The following HS3ST5 variants were observed in gnomAD, a reference collection of about 807,000 sequenced individuals.
HS3ST5 encodes the protein heparan sulfate-glucosamine 3-sulfotransferase 5, also known as heparan sulfate glucosamine 3-O-sulfotransferase 5.
In HS3ST5, 10 loss-of-function variants were observed where a neutral mutation model predicts 25.4. The ratio of observed to expected loss-of-function variants is 0.39; its 90% CI spans 0.24 to 0.67. The LOEUF is 0.67. Ranked by LOEUF, HS3ST5 falls within the 30% of genes least tolerant of loss-of-function variation. HS3ST5 has a pLI of 0.44. For synonymous variants in HS3ST5, 170 were observed against 162.4 expected, an observed-to-expected ratio of 1.05 and a Z score of -0.36; for missense variants, 324 against 420.7, an observed-to-expected ratio of 0.77 and a Z score of 2.01.
intron 1 of HS3ST5, among the ~76,000 whole-genome samples, chr6:114,280,107 G>A (rs528051209): frequency 9.9e-4 from 150 of 151,892 alleles, no homozygotes; most frequent in South Asian, 1.7e-3. Flanking sequence ...AAAAAAGTGA[G>A]AGTTTTCCAG....
intron 3 of HS3ST5, among the ~76,000 whole-genome samples, chr6:114,077,457 A>G (rs1774202907): frequency 6.6e-6 from 1 of 152,170 alleles, no homozygotes; most frequent in Non-Finnish European, 1.5e-5. Flanking sequence ...TTGACCTGCT[A>G]GGGAGCTCAG....
At chr6:114,191,632 C>G (rs894229956) in intron 2 of HS3ST5, among the ~76,000 whole-genome samples, 3 of 152,136 alleles carry the variant, frequency 2.0e-5, no homozygotes, top group Non-Finnish European at 4.4e-5. Context: ...GAGGATAATC[C>G]TCAGGCAAAG....
intron 2 of HS3ST5, among the ~76,000 whole-genome samples, chr6:114,169,001 C>T (rs1252504554): frequency 1.3e-5 from 2 of 151,840 alleles, no homozygotes; most frequent in Non-Finnish European, 2.9e-5. Flanking sequence ...CTGCAGAGTA[C>T]ATGTTTGGCT....
intron 3 of HS3ST5, among the ~76,000 whole-genome samples, chr6:114,085,923 A>G (rs912253340): frequency 7.4e-6 from 1 of 134,616 alleles, no homozygotes; most frequent in Non-Finnish European, 1.6e-5. Flanking sequence ...TTAAATTCAT[A>G]TAAATTCATT....
chr6:114,165,388 T>G (rs1290445382), intron 3 of HS3ST5, among the ~76,000 whole-genome samples: 1 of 152,198 alleles, frequency 6.6e-6, no homozygotes, highest in Non-Finnish European at 1.5e-5. Context: ...AGCATGGGCT[T>G]TCTACATCTT....
chr6:114,206,464 T>C (rs921362374), intron 2 of HS3ST5, among the ~76,000 whole-genome samples: 1 of 152,176 alleles, frequency 6.6e-6, no homozygotes, highest in Admixed American at 6.5e-5. Context: ...TCATAAATTA[T>C]AATCATTCAC....
intron 2 of HS3ST5, among the ~76,000 whole-genome samples, chr6:114,214,572 C>T (rs907531011): frequency 6.6e-6 from 1 of 152,200 alleles, no homozygotes; most frequent in Non-Finnish European, 1.5e-5. Context: ...ATGATAGGAG[C>T]TCATAATTAC....
chr6:114,318,394 C>T (rs1775829227), intron 1 of HS3ST5, among the ~76,000 whole-genome samples: 1 of 151,918 alleles, frequency 6.6e-6, no homozygotes, highest in Non-Finnish European at 1.5e-5. Context: ...ATTTTTTTCT[C>T]CTCCTCTCCC....
chr6:114,285,475 G>A (rs1314882310), intron 1 of HS3ST5, among the ~76,000 whole-genome samples: 1 of 152,026 alleles, frequency 6.6e-6, no homozygotes, highest in Non-Finnish European at 1.5e-5. Context: ...TATACGTCCA[G>A]TGAAATACTA....
Position 114,326,582 on chromosome 6 carries a change from GTAATTT to G in HS3ST5, c.-339+15607_-339+15612del, listed in dbSNP as rs1265546358. On this transcript the variant is annotated intron_variant, in intron 1 of 4. Transcript: ENST00000312719. ...TAGTAGAGTTTCCAACTTTATAGAT[GTAATTT>G]TGGAAAGTTTTCTAGTTGAAATATT... Among the ~76,000 whole-genome samples, 4 of 152,266 alleles carry G rather than the reference GTAATTT, an allele frequency of 2.6e-5. No homozygotes were observed. In the East Asian group the frequency reaches 7.7e-4, roughly 29 times the overall value.
intron 3 of HS3ST5, among the ~76,000 whole-genome samples, chr6:114,155,208 T>A (rs1778644000): frequency 6.6e-6 from 1 of 152,252 alleles, no homozygotes. Flanking sequence ...ACAAATTTTG[T>A]TAATGACAAT....
chr6:114,332,497 C>T lies in HS3ST5; in HGVS notation c.-339+9698G>A, dbSNP rs1308907257. Among the ~76,000 whole-genome samples, 7 of 152,020 alleles carry T rather than the reference C, an allele frequency of 4.6e-5. No homozygotes were observed. The East Asian group carries it at 7.7e-4, about 17-fold the overall frequency. On this transcript the variant is annotated intron_variant, in intron 1 of 4. Transcript: ENST00000312719. ...TCAATGTATACTGAAATAAGTTCAGCGAGTAAGAAAGGCATAAAAAAGTCA... is the reference window on the plus strand; with the variant it reads ...TCAATGTATACTGAAATAAGTTCAGTGAGTAAGAAAGGCATAAAAAAGTCA...
intron 3 of HS3ST5, among the ~76,000 whole-genome samples, chr6:114,125,498 T>G (rs1022523816): frequency 1.3e-5 from 2 of 152,218 alleles, no homozygotes; most frequent in African/African-American, 4.8e-5. Context: ...TTTATGAAGG[T>G]TCTTAAATAT....
chr6:114,189,506 C>A (rs558896215), intron 2 of HS3ST5, among the ~76,000 whole-genome samples: 1 of 151,928 alleles, frequency 6.6e-6, no homozygotes, highest in Non-Finnish European at 1.5e-5. Flanking sequence ...AAATAGGATC[C>A]TTGGACTAAT....
chr6:114,265,773 T>C (rs1005174948), intron 1 of HS3ST5, among the ~76,000 whole-genome samples: 6 of 152,164 alleles, frequency 3.9e-5, no homozygotes, highest in Non-Finnish European at 2.9e-5. Context: ...CCATGACATC[T>C]CTCTTTCCTG....
At chr6:114,326,180 G>A (rs565764411) in intron 1 of HS3ST5, among the ~76,000 whole-genome samples, 15 of 152,250 alleles carry the variant, frequency 9.9e-5, no homozygotes, top group Admixed American at 6.5e-4. Context: ...CCTGAGCTCA[G>A]GAGTTCCAGA....
chr6:114,312,849 T>C (rs186923974), intron 1 of HS3ST5, among the ~76,000 whole-genome samples: 33 of 151,558 alleles, frequency 2.2e-4, no homozygotes, highest in Non-Finnish European at 1.0e-4. Context: ...GCAACAACGC[T>C]GAAACCCCAT....
At chr6:114,324,386 T>C (rs1385937238) in intron 1 of HS3ST5, among the ~76,000 whole-genome samples, 3 of 152,218 alleles carry the variant, frequency 2.0e-5, no homozygotes, top group African/African-American at 7.2e-5. Context: ...CTTTTCTTCA[T>C]CATTTACACA....
intron 2 of HS3ST5, among the ~76,000 whole-genome samples, chr6:114,219,684 A>T (rs1339013908): frequency 1.3e-5 from 2 of 152,116 alleles, no homozygotes; most frequent in Non-Finnish European, 2.9e-5. Flanking sequence ...ATTAGTCTAA[A>T]ATGCCTAATG....
Sources: gnomAD v4.1 joint callset for allele counts (sites outside exome capture counted in the v4.1 genomes callset) on GRCh38, gnomAD v4.1.1 for gene constraint, MANE v1.5 for transcripts, NCBI Gene and HGNC (gene_info 2026-07-23, HGNC 2026-07-21) for gene names.